The following KCNN2 variants were observed in gnomAD, a reference collection of about 807,000 sequenced individuals.
KCNN2 encodes small conductance calcium-activated potassium channel protein 2.
In KCNN2, 24 loss-of-function variants were observed where a neutral mutation model predicts 55.5. The ratio of observed to expected loss-of-function variants is 0.43; its 90% CI spans 0.31 to 0.61. The LOEUF (loss-of-function observed/expected upper bound fraction) is 0.61. Among genes scored for constraint, KCNN2 ranks in the 20% least tolerant of loss-of-function variants. KCNN2 has a pLI of 0.08. For missense variants in KCNN2, 754 were observed against 853.6 expected (o/e 0.88, Z 1.45); for synonymous variants, 431 against 336.1 (o/e 1.28, Z -3.09).
At chr5:114,103,227 G>C (rs565679677) in intron 1 of KCNN2, among the ~76,000 whole-genome samples, 1 of 152,020 alleles carries the variant, frequency 6.6e-6, no homozygotes, top group South Asian at 2.1e-4. Flanking sequence ...CTCATGATTT[G>C]GTTCTCTGTC....
At chr5:114,241,172 C>G (rs536093832) in intron 2 of KCNN2, among the ~76,000 whole-genome samples, 24 of 151,800 alleles carry the variant, frequency 1.6e-4, no homozygotes, top group African/African-American at 5.5e-4. Flanking sequence ...AAGACTCAAA[C>G]AGTAAATGTC....
At chr5:114,136,934 C>T (rs1009384465) in intron 1 of KCNN2, among the ~76,000 whole-genome samples, 1 of 152,164 alleles carries the variant, frequency 6.6e-6, no homozygotes, top group Non-Finnish European at 1.5e-5. Flanking sequence ...TTCTCAAAGT[C>T]ACACAGCTAA....
chr5:114,403,611 G>A (rs1470709528), intron 2 of KCNN2, among the ~76,000 whole-genome samples: 1 of 152,148 alleles, frequency 6.6e-6, no homozygotes, highest in African/African-American at 2.4e-5. Context: ...TAGACTGCCA[G>A]GGCCTGGAGG....
chr5:114,345,455 C>A (rs1757088705), intron 2 of KCNN2, among the ~76,000 whole-genome samples: 1 of 152,148 alleles, frequency 6.6e-6, no homozygotes, highest in African/African-American at 2.4e-5. Context: ...CACTATTTCA[C>A]AAACCCCAAA....
intron 1 of KCNN2, among the ~76,000 whole-genome samples, chr5:114,084,260 G>C (rs779337105): frequency 4.6e-5 from 7 of 152,064 alleles, no homozygotes; most frequent in Non-Finnish European, 8.8e-5. Context: ...CTGCCAAACT[G>C]TCTTCCAAGG....
chr5:114,410,201 T>G (rs1318450891), intron 3 of KCNN2, among the ~76,000 whole-genome samples: 1 of 152,306 alleles, frequency 6.6e-6, no homozygotes, highest in Non-Finnish European at 1.5e-5. Context: ...AACTCAGAGC[T>G]TGGGGTCCTG....
intron 1 of KCNN2, among the ~76,000 whole-genome samples, chr5:114,066,519 C>T (rs1750454399): frequency 6.6e-6 from 1 of 152,206 alleles, no homozygotes. Context: ...CGGATACACA[C>T]TACTGTGGGA....
At chr5:114,125,681 T>G (rs1751916432) in intron 1 of KCNN2, among the ~76,000 whole-genome samples, 1 of 152,168 alleles carries the variant, frequency 6.6e-6, no homozygotes, top group Non-Finnish European at 1.5e-5. Flanking sequence ...ACACAGAGAT[T>G]TATTTTCTTA....
chr5:114,492,432 A>ACCTACTTCTCT (rs1747904934), intron 6 of KCNN2, among the ~76,000 whole-genome samples: 1 of 152,206 alleles, frequency 6.6e-6, no homozygotes, highest in South Asian at 2.1e-4. Context: ...GTTTAGAAGA[A>ACCTACTTCTCT]CCTACTTCTC....
At chr5:114,110,148 A>T (rs1214136558) in intron 1 of KCNN2, among the ~76,000 whole-genome samples, 1 of 152,074 alleles carries the variant, frequency 6.6e-6, no homozygotes, top group Non-Finnish European at 1.5e-5. Flanking sequence ...AGCCTCAGGA[A>T]CTTTGAGAGA....
intron 1 of KCNN2, among the ~76,000 whole-genome samples, chr5:114,148,182 G>A (rs867994565): frequency 1.3e-5 from 2 of 152,004 alleles, no homozygotes; most frequent in African/African-American, 4.8e-5. Flanking sequence ...CTTGTCTAAA[G>A]GAATATGAAA....
intron 1 of KCNN2, among the ~76,000 whole-genome samples, chr5:114,169,591 C>T (rs942428371): frequency 3.3e-5 from 5 of 152,028 alleles, no homozygotes; most frequent in African/African-American, 9.7e-5. Flanking sequence ...GCGACAGAGC[C>T]GTTATTATGT....
chr5:114,405,745 C>T, intron 3 of KCNN2, among the ~76,000 whole-genome samples: 1 of 150,298 alleles, frequency 6.7e-6, no homozygotes, highest in East Asian at 1.9e-4. Flanking sequence ...GAGTCTCGCT[C>T]TGTCGCCCAG....
At chr5:114,344,990 A>AAGGTG in intron 2 of KCNN2, among the ~76,000 whole-genome samples, 1 of 152,256 alleles carries the variant, frequency 6.6e-6, no homozygotes, top group East Asian at 1.9e-4. Flanking sequence ...CTGAAGATAC[A>AAGGTG]CCTTCATCAA....
intron 2 of KCNN2, among the ~76,000 whole-genome samples, chr5:114,391,944 T>C (rs1301299950): frequency 1.3e-5 from 2 of 152,136 alleles, no homozygotes; most frequent in Admixed American, 6.6e-5. Flanking sequence ...TATTTAGGGC[T>C]GGAGGAAGGG....
At chr5:114,096,431 A>G (rs903012286) in intron 1 of KCNN2, among the ~76,000 whole-genome samples, 1 of 152,136 alleles carries the variant, frequency 6.6e-6, no homozygotes, top group Non-Finnish European at 1.5e-5. Flanking sequence ...AATACAATTG[A>G]AATAAGGACT....
intron 3 of KCNN2, among the ~76,000 whole-genome samples, chr5:114,445,675 C>G (rs1208951101): frequency 2.6e-5 from 4 of 152,160 alleles, no homozygotes; most frequent in Non-Finnish European, 5.9e-5. Flanking sequence ...CTGTAGTTTG[C>G]TAGTATTGCT....
intron 2 of KCNN2, among the ~76,000 whole-genome samples, chr5:114,340,480 T>C (rs1756995921): frequency 6.6e-6 from 1 of 152,174 alleles, no homozygotes; most frequent in Non-Finnish European, 1.5e-5. Context: ...ATTTACTTTT[T>C]CAAGTAGCCA....
At chr5:114,185,899 G>A (rs1307749775) in intron 1 of KCNN2, among the ~76,000 whole-genome samples, 1 of 152,134 alleles carries the variant, frequency 6.6e-6, no homozygotes, top group Non-Finnish European at 1.5e-5. Context: ...TTGGAAACAG[G>A]CTGAAATATA....
Sources: gnomAD v4.1 joint callset for allele counts (sites outside exome capture counted in the v4.1 genomes callset) on GRCh38, gnomAD v4.1.1 for gene constraint, MANE v1.5 for transcripts, NCBI Gene and HGNC (gene_info 2026-07-23, HGNC 2026-07-21) for gene names.